Variants in HSPA4 observed in about 807,000 individuals in gnomAD.
The protein encoded by HSPA4 is heat shock 70 kDa protein 4.
HSPA4 carries 25 observed loss-of-function variants against 106.2 expected under a neutral mutation model. The observed-to-expected ratio is 0.24, with a 90% confidence interval of 0.17 to 0.33. The LOEUF is 0.33. HSPA4 is among the 10% of genes least tolerant of loss of function. The pLI, the probability that HSPA4 is intolerant of heterozygous loss-of-function variation, is 1.00. For synonymous variants in HSPA4, 332 were observed against 333.6 expected (o/e 1.00, Z 0.05); for missense variants, 841 against 996.0 (o/e 0.84, Z 2.10).
chr5:133,098,874 T>C (rs908907062), intron 15 of HSPA4, among the ~76,000 whole-genome samples: 2 of 151,650 alleles, frequency 1.3e-5, no homozygotes, highest in African/African-American at 4.8e-5. Context: ...GGTTTCACCA[T>C]GTTGGCCAGG....
intron 1 of HSPA4, among the ~76,000 whole-genome samples, chr5:133,060,811 C>G (rs933553254): frequency 5.3e-5 from 7 of 132,980 alleles, no homozygotes; most frequent in Admixed American, 3.0e-4. Flanking sequence ...GTAGGTGAAA[C>G]AGGACTTTTT....
chr5:133,087,188 C>CTAG (rs1765587835), intron 8 of HSPA4, among the ~76,000 whole-genome samples: 1 of 152,188 alleles, frequency 6.6e-6, no homozygotes. Flanking sequence ...GAATTCTTCC[C>CTAG]TAGCTGGATG....
Position 133,101,739 on chromosome 5 carries a change from CTG to C in HSPA4, c.2038-16_2038-15del, listed in dbSNP as rs578205864. 302 of 1,602,550 alleles carry C rather than the reference CTG, an allele frequency of 1.9e-4. No homozygotes were observed. In the African/African-American group the frequency reaches 2.5e-3, roughly 13 times the overall value. On this transcript the variant is annotated intron_variant, in intron 16 of 18. Transcript: ENST00000304858. The stretch of plus-strand genomic sequence containing the variant: ...GGATCGTTGAACTGCCGTATGAAGA[CTG>C]TGTATTCTTCTGTTAAGAATCTAGG...
At chr5:133,069,244 C>T (rs1169576191) in intron 3 of HSPA4, among the ~76,000 whole-genome samples, 1 of 149,920 alleles carries the variant, frequency 6.7e-6, no homozygotes, top group Non-Finnish European at 1.5e-5. Flanking sequence ...ATTATTGTTA[C>T]TTATTTAAAA....
In HSPA4 at chr5:133,095,831, C is replaced by T. The variant is rs148916443; in HGVS notation, c.1651-267C>T. Among the ~76,000 whole-genome samples the T allele has an allele frequency of 5.9e-3, 896 of 152,196 alleles. 19 individuals carry two copies. Among genetic ancestry groups the T allele is most frequent in the Admixed American group, 0.032 (491 of 15,270 alleles). On this transcript the variant is annotated intron_variant, in intron 13 of 18. Transcript: ENST00000304858. Reference sequence around the variant, plus strand: ...CATCTTGAAAAACTGAAACTCTATACCCATTAAATAACTTTCCATTATTCC... The same window carrying T: ...CATCTTGAAAAACTGAAACTCTATATCCATTAAATAACTTTCCATTATTCC...
chr5:133,052,598 C>T (rs932856804), intron 1 of HSPA4, among the ~76,000 whole-genome samples: 1 of 152,250 alleles, frequency 6.6e-6, no homozygotes, highest in African/African-American at 2.4e-5. Flanking sequence ...CGAAGAAAGG[C>T]TTCTGGCCGG....
intron 1 of HSPA4, among the ~76,000 whole-genome samples, chr5:133,060,232 AC>A (rs1269174737): frequency 1.3e-5 from 2 of 152,166 alleles, no homozygotes; most frequent in African/African-American, 4.8e-5. Flanking sequence ...GTAAACTTGT[AC>A]CAAGAAGCAT....
In HSPA4 at chr5:133,052,287, T is replaced by A. The variant is rs61745470; in HGVS notation, c.37T>A (p.Cys13Ser). 0.018 allele frequency: 28,007 copies of A among 1,597,524 alleles called. 329 individuals are homozygous for A. Among genetic ancestry groups the A allele is most frequent in the Middle Eastern group, 0.038 (227 of 5,962 alleles). ...VVGIDLGFQS[C>S]YVAVARAGGI... ...GGGCATAGACCTGGGCTTCCAGAGC[T>A]GCTACGTCGCTGTGGCCCGCGCCGG... Residue 13 changes from cysteine to serine, a missense_variant, in exon 1 of 19, where the codon TGC becomes AGC. Transcript: ENST00000304858.
chr5:133,092,484 A>G (rs1765658129), intron 12 of HSPA4, among the ~76,000 whole-genome samples: 2 of 152,198 alleles, frequency 1.3e-5, no homozygotes, highest in African/African-American at 4.8e-5. Flanking sequence ...AGGGTAGGGC[A>G]GGGCGAGTGT....
chr5:133,056,176 G>A (rs1765162828), intron 1 of HSPA4, among the ~76,000 whole-genome samples: 1 of 151,792 alleles, frequency 6.6e-6, no homozygotes, highest in African/African-American at 2.4e-5. Context: ...TTGAGGAAGA[G>A]TTGTTCCAGG....
At chr5:133,062,945 G>A (rs982556963) in intron 1 of HSPA4, among the ~76,000 whole-genome samples, 3 of 152,144 alleles carry the variant, frequency 2.0e-5, no homozygotes, top group African/African-American at 7.2e-5. Context: ...GTCAGATTTG[G>A]ACCAAGGCAG....
intron 8 of HSPA4, among the ~76,000 whole-genome samples, chr5:133,087,354 G>A (rs1053385427): frequency 7.2e-5 from 11 of 152,198 alleles, no homozygotes; most frequent in African/African-American, 2.7e-4. Flanking sequence ...GGACTTCACT[G>A]TTGTGTTGAT....
chr5:133,090,987 C>A, intron 11 of HSPA4: 1 of 644,802 alleles, frequency 1.6e-6, no homozygotes, highest in Non-Finnish European at 2.8e-6. Flanking sequence ...TTAATTGGGG[C>A]AGGATAAGAT....
rs1466686265 is a variant in HSPA4, at chr5:133,104,359, C to G, written c.2446C>G (p.Gln816Glu). The change falls in exon 19 of 19, where the codon CAG becomes GAG. Residue 816 changes from glutamine (Q) to glutamate (E), a missense_variant. Around this residue, in one of 5 missense-constraint regions of HSPA4, gnomAD observed 328 missense variants for 372.2 expected, o/e 0.88. Transcript: ENST00000304858. ...VDGQGDNPGP[Q>E]AAEQGTDTAV... ...TGGACAAGGAGACAACCCAGGCCCCCAGGCTGCTGAGCAGGGTACAGACAC... is the reference window on the plus strand; with the variant it reads ...TGGACAAGGAGACAACCCAGGCCCCGAGGCTGCTGAGCAGGGTACAGACAC... 1 of 1,614,198 alleles carries G rather than the reference C, an allele frequency of 6.2e-7. No homozygotes were observed. Among genetic ancestry groups the G allele is most frequent in the South Asian group, 1.1e-5 (1 of 91,084 alleles).
At chr5:133,062,013 G>C (rs112977810) in intron 1 of HSPA4, among the ~76,000 whole-genome samples, 2 of 152,122 alleles carry the variant, frequency 1.3e-5, no homozygotes, top group South Asian at 4.1e-4. Context: ...TAGAGAATAC[G>C]TGAAGGTACT....
intron 7 of HSPA4, among the ~76,000 whole-genome samples, chr5:133,082,079 A>C (rs1369255103): frequency 6.6e-6 from 1 of 152,194 alleles, no homozygotes; most frequent in Admixed American, 6.6e-5. Flanking sequence ...ATACAATGGG[A>C]TATTTTTGGT....
At chr5:133,090,905 G>C (rs1396004239) in intron 11 of HSPA4, among the ~76,000 whole-genome samples, 1 of 151,928 alleles carries the variant, frequency 6.6e-6, no homozygotes, top group African/African-American at 2.4e-5. Flanking sequence ...GAATTAATCT[G>C]AAAGTAGCAT....
intron 7 of HSPA4, among the ~76,000 whole-genome samples, chr5:133,080,089 T>C (rs1765494980): frequency 6.6e-6 from 1 of 152,106 alleles, no homozygotes; most frequent in Admixed American, 6.6e-5. Context: ...TCTTTTTGCT[T>C]AGATGCCCAA....
At chr5:133,102,182 C>T (rs1333075868) in intron 17 of HSPA4, among the ~76,000 whole-genome samples, 4 of 152,196 alleles carry the variant, frequency 2.6e-5, no homozygotes, top group East Asian at 1.9e-4. Context: ...CTGCCTTGGC[C>T]TCCCAAAGTG....
Sources: allele counts gnomAD v4.1 joint callset (sites outside exome capture counted in the v4.1 genomes callset), GRCh38; gene constraint gnomAD v4.1.1; regional missense constraint gnomAD v4.1.1; transcripts MANE v1.5; gene names NCBI Gene and HGNC (gene_info 2026-07-23, HGNC 2026-07-21).